The following RABGAP1L variants were observed in gnomAD, a reference collection of about 807,000 sequenced individuals.
RABGAP1L encodes RAB GTPase activating protein 1 like, also known as rab GTPase-activating protein 1-like.
In RABGAP1L, 63 loss-of-function variants were observed where a neutral mutation model predicts 137.7. That is an observed-to-expected ratio of 0.46 (90% CI 0.37 to 0.56). The LOEUF (loss-of-function observed/expected upper bound fraction) is 0.56. RABGAP1L is among the 20% of genes least tolerant of loss of function. RABGAP1L has a pLI of 0.00. For synonymous variants in RABGAP1L, 431 were observed against 433.7 expected (o/e 0.99, Z 0.08); for missense variants, 1,095 against 1,244.0 (o/e 0.88, Z 1.80).
intron 7 of RABGAP1L, among the ~76,000 whole-genome samples, chr1:174,268,202 A>ATT (rs371429395): frequency 8.0e-5 from 11 of 137,230 alleles, no homozygotes; most frequent in Admixed American, 2.9e-4. Flanking sequence ...TCACTTTTTC[A>ATT]TTTTTTTTTT....
intron 19 of RABGAP1L, among the ~76,000 whole-genome samples, chr1:174,950,267 T>G (rs1349870748): frequency 6.6e-6 from 1 of 152,172 alleles, no homozygotes; most frequent in Non-Finnish European, 1.5e-5. Flanking sequence ...TTATGTTCCT[T>G]AAGTATTAGA....
intron 19 of RABGAP1L, among the ~76,000 whole-genome samples, chr1:174,890,809 G>A (rs1656006963): frequency 6.6e-6 from 1 of 152,050 alleles, no homozygotes; most frequent in African/African-American, 2.4e-5. Context: ...CATGAAGGGT[G>A]TCCTTGTTCA....
intron 13 of RABGAP1L, among the ~76,000 whole-genome samples, chr1:174,621,631 G>T (rs557209513): frequency 7.3e-4 from 111 of 152,264 alleles, no homozygotes; most frequent in Admixed American, 2.2e-3. Flanking sequence ...AAATGGTGTT[G>T]GGAAAACTGG....
intron 13 of RABGAP1L, among the ~76,000 whole-genome samples, chr1:174,441,625 T>G (rs1190980895): frequency 2.0e-5 from 3 of 152,058 alleles, no homozygotes; most frequent in South Asian, 2.1e-4. Context: ...TCCCAGCCAC[T>G]TGGGAGGCTG....
rs1685255021 is a variant in RABGAP1L at position 174,761,866 on chromosome 1, T to G, written c.2211+9512T>G. On this transcript the variant is annotated intron_variant, in intron 18 of 25. Coordinates refer to ENST00000681986, the MANE Select transcript of RABGAP1L (RefSeq NM_001366446.1). This position sits in a 1 kb window ranked among gnomAD's most constrained non-coding sequence, Gnocchi z 4.0. ...TTTGGGTGGGGACACAGCCAAACCATATCAACAATAAACATAATAAATATA... is the reference window on the plus strand; with the variant it reads ...TTTGGGTGGGGACACAGCCAAACCAGATCAACAATAAACATAATAAATATA... Among the ~76,000 whole-genome samples the G allele has an allele frequency of 6.6e-6, 1 of 152,130 alleles. No individual in the cohort carries two copies. Among genetic ancestry groups the G allele is most frequent in the Non-Finnish European group, 1.5e-5 (1 of 68,030 alleles).
intron 10 of RABGAP1L, among the ~76,000 whole-genome samples, chr1:174,296,392 C>G (rs987522701): frequency 9.9e-5 from 15 of 152,176 alleles, no homozygotes; most frequent in Admixed American, 7.9e-4. Flanking sequence ...GTAATTTACT[C>G]TCTTCTTGTA....
At chr1:174,783,686 A>T (rs1190043474) in intron 18 of RABGAP1L, among the ~76,000 whole-genome samples, 1 of 145,048 alleles carries the variant, frequency 6.9e-6, no homozygotes, top group Non-Finnish European at 1.5e-5. Context: ...TGCATCTTTG[A>T]TATGTTTTCT....
chr1:174,185,435 T>G (rs1419454632), intron 1 of RABGAP1L, among the ~76,000 whole-genome samples: 1 of 152,222 alleles, frequency 6.6e-6, no homozygotes, highest in African/African-American at 2.4e-5. Flanking sequence ...TTTTTTGGTT[T>G]TATTTGAATA....
intron 17 of RABGAP1L, among the ~76,000 whole-genome samples, chr1:174,728,537 C>T (rs186514143): frequency 5.3e-5 from 8 of 151,610 alleles, no homozygotes; most frequent in African/African-American, 1.7e-4. Context: ...ATTAATATGG[C>T]CATACTGTGC....
At chr1:174,750,996 A>T (rs935960586) in intron 17 of RABGAP1L, among the ~76,000 whole-genome samples, 8 of 152,142 alleles carry the variant, frequency 5.3e-5, no homozygotes, top group African/African-American at 9.7e-5. Context: ...AATCTGTAAT[A>T]GTCTTTTTTT....
intron 7 of RABGAP1L, among the ~76,000 whole-genome samples, chr1:174,257,318 G>A (rs1673217983): frequency 6.6e-6 from 1 of 152,126 alleles, no homozygotes; most frequent in Admixed American, 6.5e-5. Context: ...GGTATATTAT[G>A]CCTGAACTGT....
At chr1:174,257,976 A>G (rs371097894) in intron 7 of RABGAP1L, among the ~76,000 whole-genome samples, 19 of 152,336 alleles carry the variant, frequency 1.2e-4, no homozygotes, top group African/African-American at 4.6e-4. Flanking sequence ...TACTGAATCC[A>G]TGTTAAATTT....
intron 14 of RABGAP1L, among the ~76,000 whole-genome samples, chr1:174,650,491 G>C (rs1372852814): frequency 3.3e-5 from 5 of 150,694 alleles, no homozygotes; most frequent in African/African-American, 9.7e-5. Context: ...GTAAGCTATT[G>C]ATTATTGCCA....
intron 13 of RABGAP1L, among the ~76,000 whole-genome samples, chr1:174,628,837 A>G (rs910436457): frequency 1.3e-5 from 2 of 152,028 alleles, no homozygotes; most frequent in Non-Finnish European, 2.9e-5. Flanking sequence ...AACTGGCAGG[A>G]CTTAGGGAGC....
At chr1:174,677,159 C>A (rs866674567) in intron 14 of RABGAP1L, among the ~76,000 whole-genome samples, 25 of 126,334 alleles carry the variant, frequency 2.0e-4, no homozygotes, top group African/African-American at 3.3e-4. Flanking sequence ...CCATCTCTAC[C>A]AAAAAAAAAA....
intron 15 of RABGAP1L, among the ~76,000 whole-genome samples, chr1:174,699,156 C>A (rs1391891995): frequency 6.6e-6 from 1 of 151,978 alleles, no homozygotes; most frequent in Non-Finnish European, 1.5e-5. Flanking sequence ...CCACACTCGG[C>A]TAATTTTTTT....
intron 19 of RABGAP1L, among the ~76,000 whole-genome samples, chr1:174,902,692 A>G (rs1658343905): frequency 6.6e-6 from 1 of 152,198 alleles, no homozygotes; most frequent in African/African-American, 2.4e-5. Flanking sequence ...GTGGTTTCCC[A>G]GGTGGGGTTG....
intron 19 of RABGAP1L, among the ~76,000 whole-genome samples, chr1:174,838,948 A>T (rs528090963): frequency 0.017 from 2,419 of 145,408 alleles, 47 homozygotes; most frequent in Middle Eastern, 0.053. Context: ...AAAAAAAAAA[A>T]AAAAAATGAC....
intron 13 of RABGAP1L, among the ~76,000 whole-genome samples, chr1:174,440,767 G>A (rs1571825541): frequency 6.6e-6 from 1 of 152,220 alleles, no homozygotes; most frequent in South Asian, 2.1e-4. Flanking sequence ...ATATTGGCCA[G>A]GCTGGTCTTG....
Sources: gnomAD v4.1 joint callset for allele counts (sites outside exome capture counted in the v4.1 genomes callset) on GRCh38, gnomAD v4.1.1 for gene constraint, Gnocchi (gnomAD v3.1) non-coding constraint, MANE v1.5 for transcripts, NCBI Gene and HGNC (gene_info 2026-07-23, HGNC 2026-07-21) for gene names.